Variants in RHBDL2 observed in about 807,000 individuals in gnomAD.
RHBDL2 encodes the protein rhomboid like 2, also known as rhomboid-related protein 2.
Under a neutral mutation model 31.7 loss-of-function variants are expected in RHBDL2, and 26 were observed. The ratio of observed to expected loss-of-function variants is 0.82; its 90% CI spans 0.60 to 1.14. RHBDL2 has a LOEUF of 1.14. Ranked by LOEUF, RHBDL2 falls within the 50% of genes most tolerant of loss-of-function variation. The pLI, the probability that RHBDL2 is intolerant of heterozygous loss-of-function variation, is 0.00. For synonymous variants in RHBDL2, 123 were observed against 127.2 expected (o/e 0.97, Z 0.22); for missense variants, 336 against 364.4 (o/e 0.92, Z 0.63).
In RHBDL2 at chr1:38,918,970, G is replaced by C. The variant is rs753364943; in HGVS notation, c.243C>G (p.Ala81=). The C allele has an allele frequency of 6.2e-7, 1 of 1,611,416 alleles. No homozygotes were observed. The highest frequency in any genetic ancestry group is 1.1e-5 in the South Asian group (1 of 90,974). The change falls in exon 2 of 8, where the codon GCC becomes GCG. Residue 81 remains alanine, a synonymous_variant. Coordinates refer to ENST00000372990, the MANE Select transcript of RHBDL2 (RefSeq NM_017821.5). ...GCCCACCCCGCTCCCCATTCACCTC[G>C]GCCAGGCTGATGGAGATGATGAACA... ...PPVFIISISL[A]ELAVFIYYAV... is the part of the protein sequence containing the mutation.
chr1:38,938,267 G>A (rs1003262224), intron 1 of RHBDL2, among the ~76,000 whole-genome samples: 11 of 151,804 alleles, frequency 7.2e-5, no homozygotes, highest in African/African-American at 1.7e-4. Flanking sequence ...CGCCCGCCTC[G>A]GCCTCCCAAA....
chr1:38,931,522 A>C (rs1347989390), intron 1 of RHBDL2, among the ~76,000 whole-genome samples: 1 of 98,158 alleles, frequency 1.0e-5, no homozygotes, highest in African/African-American at 1.2e-4. Flanking sequence ...ACTCCGTCTC[A>C]AAAAAAAAAA....
At chr1:38,896,143 A>G (rs780657590) in intron 4 of RHBDL2, 74 bp from the exon 5 acceptor site, 3 of 1,177,150 alleles carry the variant, frequency 2.5e-6, no homozygotes, top group Non-Finnish European at 3.7e-6. Flanking sequence ...AATCTAAGGT[A>G]GACATTTGGG....
In RHBDL2 at chr1:38,895,978, A is replaced by G; in HGVS notation, c.600T>C (p.Asn200=). The change falls in exon 5 of 8, where the codon AAT becomes AAC. Residue 200 remains asparagine (N), a synonymous_variant. Transcript: ENST00000372990. ...TCCCCATGGTTCTTACCACCAGAAC[A>G]TTCATAAAATAGCCTCCCATCAGAG... ...VYALMGGYFM[N]VLVNFQEMIP... 6.2e-7 allele frequency: 1 copy of G among 1,610,164 alleles called. No individual in the cohort carries two copies. The highest frequency in any genetic ancestry group is 2.2e-5 in the East Asian group (1 of 44,848).
At chr1:38,924,744 CT>C (rs1380611036) in intron 1 of RHBDL2, among the ~76,000 whole-genome samples, 32 of 146,820 alleles carry the variant, frequency 2.2e-4, no homozygotes, top group Admixed American at 1.0e-3. Flanking sequence ...AATTGACTAC[CT>C]TAAAAAAAAA....
intron 1 of RHBDL2, among the ~76,000 whole-genome samples, chr1:38,928,185 A>G (rs1039582924): frequency 7.8e-6 from 1 of 128,406 alleles, no homozygotes; most frequent in Non-Finnish European, 1.5e-5. Flanking sequence ...TTTGTCGCCC[A>G]GGCTGGAATG....
At chr1:38,896,185 C>A in intron 4 of RHBDL2, 116 bp from the exon 5 acceptor site, 1 of 729,874 alleles carries the variant, frequency 1.4e-6, no homozygotes, top group Non-Finnish European at 2.3e-6. Context: ...TAGCAAGCAA[C>A]AAATCTATTT....
At chr1:38,897,852 C>T (rs973180767) in intron 4 of RHBDL2, among the ~76,000 whole-genome samples, 33 of 152,278 alleles carry the variant, frequency 2.2e-4, no homozygotes, top group Non-Finnish European at 4.4e-4. Context: ...TCCAGTAGGC[C>T]GGGCACGGTG....
rs139113067 is a variant in RHBDL2 at position 38,887,964 on chromosome 1, G to A, written c.731C>T (p.Pro244Leu). ...ATAAAAGAAAGAAACTGAACTCACC[G>A]GAGACCCATCTTCAGGAACAAAGAA... Reference protein sequence around the residue: ...RRFFVPEDGSPVSFAAHIAGG... With the variant: ...RRFFVPEDGSLVSFAAHIAGG... Residue 244 changes from proline to leucine, a missense_variant and splice_region_variant, in exon 7 of 8, where the codon CCG (proline) becomes CTG (leucine). Coordinates refer to ENST00000372990, the MANE Select transcript of RHBDL2 (RefSeq NM_017821.5). 1.3e-4 allele frequency: 216 copies of A among 1,604,442 alleles called. No homozygotes were observed. Among genetic ancestry groups the A allele is most frequent in the Middle Eastern group, 3.3e-4 (2 of 6,034 alleles).
chr1:38,908,670 G>A (rs1231260768), intron 4 of RHBDL2, among the ~76,000 whole-genome samples: 1 of 152,142 alleles, frequency 6.6e-6, no homozygotes, highest in Admixed American at 6.6e-5. Context: ...GGAGTATTCA[G>A]ACGGGCAGGC....
chr1:38,915,527 C>T (rs1203548514), intron 3 of RHBDL2, 35 bp downstream of exon 3: 3 of 1,608,570 alleles, frequency 1.9e-6, no homozygotes, highest in Non-Finnish European at 2.6e-6. Context: ...GATATAATCA[C>T]CTCTGATACC....
chr1:38,915,718 A>C lies in RHBDL2; in HGVS notation c.247-8T>G. On this transcript the variant is annotated splice_polypyrimidine_tract_variant and splice_region_variant and intron_variant, in intron 2 of 7. Coordinates refer to ENST00000372990, the MANE Select transcript of RHBDL2 (RefSeq NM_017821.5). The stretch of plus-strand genomic sequence containing the variant: ...GTAAATAAACACTGCCAGCTGATGG[A>C]GGGAGCAGACATGAGTATTAACCAC... 1 of 1,614,042 alleles carries C rather than the reference A, an allele frequency of 6.2e-7. No individual in the cohort carries two copies. The highest frequency in any genetic ancestry group is 8.5e-7 in the Non-Finnish European group (1 of 1,179,974).
intron 5 of RHBDL2, 36 bp from the exon 6 acceptor site, chr1:38,893,260 C>A: frequency 9.6e-7 from 1 of 1,044,042 alleles, no homozygotes; most frequent in South Asian, 1.3e-5. Context: ...TATAAGCTAT[C>A]TATGGACAAA....
chr1:38,929,175 C>T (rs1643412454), intron 1 of RHBDL2, among the ~76,000 whole-genome samples: 1 of 152,124 alleles, frequency 6.6e-6, no homozygotes, highest in Non-Finnish European at 1.5e-5. Context: ...TCTTAGCTCC[C>T]TCTTTTTCCT....
At chr1:38,898,259 G>T (rs568995751) in intron 4 of RHBDL2, among the ~76,000 whole-genome samples, 1 of 152,148 alleles carries the variant, frequency 6.6e-6, no homozygotes, top group African/African-American at 2.4e-5. Context: ...AGCTGAGATC[G>T]CACCACTGCA....
chr1:38,900,670 G>C (rs1642977901), intron 4 of RHBDL2, among the ~76,000 whole-genome samples: 1 of 152,104 alleles, frequency 6.6e-6, no homozygotes, highest in East Asian at 1.9e-4. Flanking sequence ...AGGTTGCAGT[G>C]AGCCAAGATC....
intron 1 of RHBDL2, chr1:38,929,659 T>C: frequency 6.4e-6 from 7 of 1,087,194 alleles, no homozygotes; most frequent in African/African-American, 1.6e-5. Context: ...CTGTGCTGGG[T>C]GTAGCCAATT....
intron 2 of RHBDL2, among the ~76,000 whole-genome samples, chr1:38,918,368 G>A (rs1274576657): frequency 2.0e-5 from 3 of 152,058 alleles, no homozygotes; most frequent in East Asian, 3.9e-4. Context: ...AAAAAACTAG[G>A]TGCCACGAGG....
At chr1:38,921,145 ACGCCTGTAATC>A (rs1158438308) in intron 1 of RHBDL2, among the ~76,000 whole-genome samples, 1 of 152,210 alleles carries the variant, frequency 6.6e-6, no homozygotes, top group East Asian at 1.9e-4. Flanking sequence ...GTGGTGGCTC[ACGCCTGTAATC>A]CCATCACTTG....
Sources: gnomAD v4.1 joint callset for allele counts (sites outside exome capture counted in the v4.1 genomes callset) on GRCh38, gnomAD v4.1.1 for gene constraint, MANE v1.5 for transcripts, NCBI Gene and HGNC (gene_info 2026-07-23, HGNC 2026-07-21) for gene names.